Variants in KHDRBS2 observed in about 807,000 individuals in gnomAD.
The protein encoded by KHDRBS2 is KH domain-containing, RNA-binding, signal transduction-associated protein 2.
KHDRBS2 carries 26 observed loss-of-function variants against 44.3 expected under a neutral mutation model. That is an observed-to-expected ratio of 0.59 (90% confidence interval 0.43 to 0.81). The LOEUF is 0.81. KHDRBS2 is among the 40% of genes least tolerant of loss of function. The probability of loss-of-function intolerance (pLI) is 0.00; values close to 1 mark genes in which losing one functional copy is unlikely to be tolerated. For synonymous variants in KHDRBS2, 194 were observed against 151.1 expected (o/e 1.28, Z -2.08); for missense variants, 476 against 433.1 (o/e 1.10, Z -0.88).
intron 7 of KHDRBS2, among the ~76,000 whole-genome samples, chr6:61,700,800 GCCTTAAGAAGT>G (rs774728882): frequency 1.3e-5 from 2 of 151,534 alleles, no homozygotes; most frequent in Non-Finnish European, 2.9e-5. Flanking sequence ...CAAAGACAAT[GCCTTAAGAAGT>G]CATCAGTTGC....
intron 4 of KHDRBS2, among the ~76,000 whole-genome samples, chr6:61,951,903 A>AT (rs5876765): frequency 0.34 from 51,767 of 151,582 alleles, 8,968 homozygotes; most frequent in Middle Eastern, 0.4. Flanking sequence ...TGTAGTTACA[A>AT]TTTTTTCAGT....
At chr6:61,826,272 G>A (rs1041574221) in intron 6 of KHDRBS2, among the ~76,000 whole-genome samples, 1 of 151,978 alleles carries the variant, frequency 6.6e-6, no homozygotes, top group African/African-American at 2.4e-5. Flanking sequence ...AGACACCCAA[G>A]CTCTCTTAAC....
the KHDRBS2 span, among the ~76,000 whole-genome samples, chr6:61,558,846 A>G: frequency 6.6e-6 from 1 of 152,186 alleles, no homozygotes. Context: ...CATATGGTCT[A>G]TCATTGACAA....
At chr6:62,217,946 T>G (rs1018266948) in intron 1 of KHDRBS2, among the ~76,000 whole-genome samples, 1 of 151,832 alleles carries the variant, frequency 6.6e-6, no homozygotes, top group African/African-American at 2.4e-5. Context: ...CTTAAAAATC[T>G]TATTAAAAGC....
intron 1 of KHDRBS2, among the ~76,000 whole-genome samples, chr6:62,268,683 GA>G (rs1199086381): frequency 6.6e-6 from 1 of 151,792 alleles, no homozygotes; most frequent in Non-Finnish European, 1.5e-5. Context: ...GTTAATAGAG[GA>G]AAAAATGTTT....
At chr6:61,593,040 G>C in the KHDRBS2 span, among the ~76,000 whole-genome samples, 1 of 152,262 alleles carries the variant, frequency 6.6e-6, no homozygotes, top group African/African-American at 2.4e-5. Context: ...AGAAAAAAAG[G>C]TTAATGTCTG....
rs576402672 is a variant in KHDRBS2 at position 62,022,038 on chromosome 6, A to G, written c.336+25840T>C. 2.9e-3 allele frequency among the ~76,000 whole-genome samples: 437 copies of G among 150,418 alleles called. 2 individuals carry two copies. The highest frequency in any genetic ancestry group is 0.01 in the African/African-American group (424 of 41,148). ...ATACACACACACAAACACTATATATATATATATATTCTGTAGGGGAGAACA... is the reference window on the plus strand; with the variant it reads ...ATACACACACACAAACACTATATATGTATATATATTCTGTAGGGGAGAACA... On this transcript the variant is annotated intron_variant, in intron 3 of 8. Transcript: ENST00000281156.
the KHDRBS2 span, among the ~76,000 whole-genome samples, chr6:61,572,294 C>G: frequency 6.6e-6 from 1 of 151,994 alleles, no homozygotes; most frequent in Non-Finnish European, 1.5e-5. Context: ...TCTGAACAAA[C>G]ATATAACAAG....
At chr6:61,574,715 G>T in the KHDRBS2 span, among the ~76,000 whole-genome samples, 1 of 152,036 alleles carries the variant, frequency 6.6e-6, no homozygotes, top group African/African-American at 2.4e-5. Context: ...GACCAGCCTG[G>T]CCAACATGGT....
the KHDRBS2 span, among the ~76,000 whole-genome samples, chr6:61,584,824 C>T: frequency 2.0e-4 from 30 of 151,656 alleles, no homozygotes; most frequent in African/African-American, 7.0e-4. Context: ...AATATAACAA[C>T]TTTAGAGTTT....
chr6:61,633,342 A>T, the KHDRBS2 span, among the ~76,000 whole-genome samples: 1 of 152,078 alleles, frequency 6.6e-6, no homozygotes, highest in Admixed American at 6.6e-5. Context: ...AACTTATTTT[A>T]AAAATAATTG....
At chr6:61,675,825 G>A (rs887120666), downstream of KHDRBS2, among the ~76,000 whole-genome samples, 1 of 151,758 alleles carries the variant, frequency 6.6e-6, no homozygotes, top group Non-Finnish European at 1.5e-5. Flanking sequence ...TGATTTTTCA[G>A]TGAGGTTTCC....
chr6:61,662,389 T>C, the KHDRBS2 span, among the ~76,000 whole-genome samples: 1 of 150,698 alleles, frequency 6.6e-6, no homozygotes, highest in African/African-American at 2.4e-5. Flanking sequence ...AAAGCCAAAA[T>C]TGACAAATGG....
intron 2 of KHDRBS2, among the ~76,000 whole-genome samples, chr6:62,075,635 C>T (rs1355797400): frequency 2.0e-5 from 3 of 152,022 alleles, no homozygotes; most frequent in East Asian, 1.9e-4. Flanking sequence ...TAAATTTTTT[C>T]CTCCTGCTTT....
intron 6 of KHDRBS2, among the ~76,000 whole-genome samples, chr6:61,738,412 A>C (rs754360475): frequency 6.6e-6 from 1 of 151,980 alleles, no homozygotes; most frequent in Non-Finnish European, 1.5e-5. Context: ...TGAAGTTATA[A>C]ATTCTTTAGT....
intron 1 of KHDRBS2, among the ~76,000 whole-genome samples, chr6:62,178,436 G>A (rs1283116369): frequency 6.6e-6 from 1 of 151,534 alleles, no homozygotes; most frequent in African/African-American, 2.4e-5. Context: ...TGACTGCAAT[G>A]GTAAGCCTCT....
the KHDRBS2 span, among the ~76,000 whole-genome samples, chr6:61,596,174 T>C: frequency 6.6e-6 from 1 of 152,058 alleles, no homozygotes; most frequent in Non-Finnish European, 1.5e-5. Flanking sequence ...CACAGCAAGA[T>C]GTGTGCAAGG....
intron 2 of KHDRBS2, among the ~76,000 whole-genome samples, chr6:62,071,437 T>C (rs575125409): frequency 1.8e-4 from 27 of 152,244 alleles, no homozygotes; most frequent in Non-Finnish European, 2.8e-4. Flanking sequence ...CTGAATGGTA[T>C]TGCTTATGTT....
chr6:61,701,405 A>C (rs546640048), intron 7 of KHDRBS2, among the ~76,000 whole-genome samples: 55 of 152,100 alleles, frequency 3.6e-4, no homozygotes, highest in Non-Finnish European at 6.6e-4. Flanking sequence ...TTCAATCGCA[A>C]GAGATAATAT....
Sources: gnomAD v4.1 joint callset for allele counts (sites outside exome capture counted in the v4.1 genomes callset) on GRCh38, gnomAD v4.1.1 for gene constraint, MANE v1.5 for transcripts, NCBI Gene and HGNC (gene_info 2026-07-23, HGNC 2026-07-21) for gene names.